NXPH2: variants seen among roughly 807,000 people sequenced by gnomAD.
NXPH2 encodes the protein neurexophilin-2.
A neutral mutation model predicts 19.8 loss-of-function variants in NXPH2; 5 were observed. The observed-to-expected ratio is 0.25, with a 90% CI of 0.13 to 0.53. NXPH2 has a LOEUF of 0.53. Ranked by LOEUF, NXPH2 falls within the 20% of genes least tolerant of loss-of-function variation. NXPH2 has a pLI of 0.96. For missense variants in NXPH2, 289 were observed against 322.8 expected (o/e 0.90, Z 0.80); for synonymous variants, 154 against 127.4 (o/e 1.21, Z -1.41).
intron 1 of NXPH2, among the ~76,000 whole-genome samples, chr2:138,776,699 T>C (rs1682269278): frequency 6.6e-6 from 1 of 151,942 alleles, no homozygotes; most frequent in Non-Finnish European, 1.5e-5. Context: ...TTTTGATGTT[T>C]ATTGATCAAG....
chr2:138,738,233 G>C (rs189168971), intron 1 of NXPH2, among the ~76,000 whole-genome samples: 42 of 152,138 alleles, frequency 2.8e-4, no homozygotes, highest in African/African-American at 9.6e-4. Context: ...TTCTATATCT[G>C]ACTTTATTAC....
At chr2:138,731,991 A>G (rs962334664) in intron 1 of NXPH2, among the ~76,000 whole-genome samples, 1 of 152,234 alleles carries the variant, frequency 6.6e-6, no homozygotes, top group Non-Finnish European at 1.5e-5. Flanking sequence ...TTATCTCTGC[A>G]TAGGCTTCTA....
chr2:138,752,851 T>C lies in NXPH2; in HGVS notation c.51+27340A>G, dbSNP rs576816177. 1.1e-4 allele frequency among the ~76,000 whole-genome samples: 16 copies of C among 152,284 alleles called. 2 individuals carry two copies. In the South Asian group the frequency reaches 3.1e-3, roughly 30 times the overall value. On this transcript the variant is annotated intron_variant, in intron 1 of 1. Coordinates refer to ENST00000272641, the MANE Select transcript of NXPH2 (RefSeq NM_007226.3). ...ACAAGTGGAACTTGTCTGATGTTTTTCCCATAATCAGACTGGGATTACATG... is the reference window on the plus strand; with the variant it reads ...ACAAGTGGAACTTGTCTGATGTTTTCCCCATAATCAGACTGGGATTACATG...
chr2:138,670,805 G>A lies in NXPH2; in HGVS notation c.*117C>T, dbSNP rs1412376676. On this transcript the variant is annotated 3_prime_UTR_variant, in exon 2 of 2. Coordinates refer to ENST00000272641, the MANE Select transcript of NXPH2 (RefSeq NM_007226.3). Reference sequence around the variant, plus strand: ...TTTTTAAATTTGAAAACCTGATAGGGAACTATTGTTCACTGCCAGAAACAA... The same window carrying A: ...TTTTTAAATTTGAAAACCTGATAGGAAACTATTGTTCACTGCCAGAAACAA... 3 of 1,074,958 alleles carry A rather than the reference G, an allele frequency of 2.8e-6. No homozygotes were observed. The African/African-American group carries it at 4.8e-5, about 17-fold the overall frequency. The allele number at this position is 1,074,958 out of a possible 1,614,324, so 66.6% of individuals were successfully genotyped here. A position where few individuals can be genotyped will look rare whatever the true frequency, so the allele number is the denominator to read the frequency against.
chr2:138,689,875 G>C (rs371122345), intron 1 of NXPH2, among the ~76,000 whole-genome samples: 3 of 152,280 alleles, frequency 2.0e-5, no homozygotes, highest in East Asian at 3.9e-4. Flanking sequence ...ATGATGTACA[G>C]ATCACACTGG....
At chr2:138,752,592 T>C (rs1477429577) in intron 1 of NXPH2, among the ~76,000 whole-genome samples, 1 of 152,198 alleles carries the variant, frequency 6.6e-6, no homozygotes, top group Admixed American at 6.5e-5. Flanking sequence ...TTTGATATTA[T>C]TAATAAACCA....
At chr2:138,672,070 G>C (rs983563017) in intron 1 of NXPH2, among the ~76,000 whole-genome samples, 1 of 152,186 alleles carries the variant, frequency 6.6e-6, no homozygotes, top group Non-Finnish European at 1.5e-5. Context: ...CTACAAAGGA[G>C]CTAAAAACTG....
Position 138,700,610 on chromosome 2 carries a change from T to G in NXPH2, c.52-28945A>C, listed in dbSNP as rs1051052418. 9.2e-5 allele frequency among the ~76,000 whole-genome samples: 14 copies of G among 152,278 alleles called. No individual in the cohort carries two copies. In the South Asian group the frequency reaches 2.9e-3, roughly 32 times the overall value. ...GATTGATGAGAATTTGTTATGGCTC[T>G]TTAGGCCTCTCTGTTCACCTTTAAA... is the stretch of plus-strand genomic sequence containing the variant. On this transcript the variant is annotated intron_variant, in intron 1 of 1. Coordinates refer to ENST00000272641, the MANE Select transcript of NXPH2 (RefSeq NM_007226.3).
At chr2:138,686,510 T>C (rs781543454) in intron 1 of NXPH2, among the ~76,000 whole-genome samples, 37 of 152,102 alleles carry the variant, frequency 2.4e-4, no homozygotes, top group African/African-American at 8.4e-4. Context: ...TGAGGTATGA[T>C]TGATGCACAA....
intron 1 of NXPH2, among the ~76,000 whole-genome samples, chr2:138,677,974 T>C (rs1680511432): frequency 6.6e-6 from 1 of 152,228 alleles, no homozygotes; most frequent in African/African-American, 2.4e-5. Context: ...GATACATTAT[T>C]ACTAACTAAA....
At chr2:138,777,744 G>A (rs1682288154) in intron 1 of NXPH2, among the ~76,000 whole-genome samples, 1 of 143,706 alleles carries the variant, frequency 7.0e-6, no homozygotes, top group Non-Finnish European at 1.5e-5. Context: ...TTTTTTATAA[G>A]TATGTTCTTC....
intron 1 of NXPH2, among the ~76,000 whole-genome samples, chr2:138,673,295 G>T (rs1558910151): frequency 6.6e-6 from 1 of 152,176 alleles, no homozygotes; most frequent in Non-Finnish European, 1.5e-5. Flanking sequence ...CCCAGGGAAA[G>T]AGGGATCATT....
rs571410262 is a variant in NXPH2, at chr2:138,669,849, A to C, written c.*1073T>G. On this transcript the variant is annotated 3_prime_UTR_variant, in exon 2 of 2. Coordinates refer to ENST00000272641, the MANE Select transcript of NXPH2 (RefSeq NM_007226.3). The stretch of plus-strand genomic sequence containing the variant: ...TAAGCCAGGTATCTTGGTTGTCAGC[A>C]CTTAATAATTAGAAATGTTTAAATA... 6.6e-6 allele frequency among the ~76,000 whole-genome samples: 1 copy of C among 152,350 alleles called. No individual in the cohort carries two copies. Among genetic ancestry groups the C allele is most frequent in the East Asian group, 1.9e-4 (1 of 5,192 alleles).
At chr2:138,715,397 T>A (rs2104990369) in intron 1 of NXPH2, among the ~76,000 whole-genome samples, 1 of 152,380 alleles carries the variant, frequency 6.6e-6, no homozygotes, top group Non-Finnish European at 1.5e-5. Context: ...CCTCTAGATT[T>A]AATTTGTCAT....
chr2:138,751,534 A>AT (rs1243513396), intron 1 of NXPH2, among the ~76,000 whole-genome samples: 4 of 152,090 alleles, frequency 2.6e-5, no homozygotes, highest in African/African-American at 7.2e-5. Flanking sequence ...ATTGTGAACA[A>AT]TTTTTTCCTT....
intron 1 of NXPH2, among the ~76,000 whole-genome samples, chr2:138,705,992 A>G (rs1396091101): frequency 6.6e-6 from 1 of 152,202 alleles, no homozygotes; most frequent in African/African-American, 2.4e-5. Context: ...TGAATTCCAG[A>G]AACATTTATT....
intron 1 of NXPH2, among the ~76,000 whole-genome samples, chr2:138,714,211 TA>T (rs1361990494): frequency 1.3e-5 from 2 of 152,166 alleles, no homozygotes; most frequent in African/African-American, 4.8e-5. Flanking sequence ...TGTGCGTACA[TA>T]GGGGCAGAGG....
chr2:138,730,070 T>A (rs1367335849), intron 1 of NXPH2, among the ~76,000 whole-genome samples: 2 of 152,168 alleles, frequency 1.3e-5, no homozygotes, highest in Non-Finnish European at 2.9e-5. Context: ...CTCATTATGG[T>A]CATCCCTTGG....
At chr2:138,762,568 T>A (rs2104839774) in intron 1 of NXPH2, among the ~76,000 whole-genome samples, 1 of 152,330 alleles carries the variant, frequency 6.6e-6, no homozygotes, top group East Asian at 1.9e-4. Flanking sequence ...TCTGGTCTAC[T>A]AACTAAATGT....
Sources: allele counts gnomAD v4.1 joint callset (sites outside exome capture counted in the v4.1 genomes callset), GRCh38; gene constraint gnomAD v4.1.1; transcripts MANE v1.5; gene names NCBI Gene and HGNC (gene_info 2026-07-23, HGNC 2026-07-21).